Variants in GATAD2A observed in about 807,000 individuals in gnomAD.
GATAD2A encodes transcriptional repressor p66-alpha.
A neutral mutation model predicts 68.5 loss-of-function variants in GATAD2A; 12 were observed. That is an observed-to-expected ratio of 0.18 (90% CI 0.11 to 0.28). GATAD2A has a LOEUF of 0.28. Ranked by LOEUF, GATAD2A falls within the 10% of genes least tolerant of loss-of-function variation. The pLI is 1.00. For synonymous variants in GATAD2A, 410 were observed against 375.3 expected (o/e 1.09, Z -1.07); for missense variants, 755 against 868.5 (o/e 0.87, Z 1.64).
intron 2 of GATAD2A, among the ~76,000 whole-genome samples, chr19:19,477,940 A>AG (rs1230802806): frequency 2.0e-5 from 3 of 152,230 alleles, no homozygotes; most frequent in Non-Finnish European, 4.4e-5. Context: ...TCTGTGACTT[A>AG]GGTAAACATA....
upstream of GATAD2A, among the ~76,000 whole-genome samples, chr19:19,401,517 C>G (rs1273758007): frequency 6.6e-6 from 1 of 151,992 alleles, no homozygotes; most frequent in Admixed American, 6.6e-5. Context: ...CCGGCTGATT[C>G]TTCAGTCTTT....
intron 2 of GATAD2A, among the ~76,000 whole-genome samples, chr19:19,481,523 ACTGTGTTGCCCAGG>A (rs2059059133): frequency 6.6e-6 from 1 of 152,054 alleles, no homozygotes; most frequent in South Asian, 2.1e-4. Context: ...ACAGGGTCTC[ACTGTGTTGCCCAGG>A]CTGGTCTTGA....
At chr19:19,498,793 C>A in intron 8 of GATAD2A, 71 bp downstream of exon 8, 1 of 1,353,470 alleles carries the variant, frequency 7.4e-7, no homozygotes, top group South Asian at 1.3e-5. Flanking sequence ...TGGGTTCTTT[C>A]CAACACACAG....
At chr19:19,450,173 G>A (rs1275837000) in intron 1 of GATAD2A, among the ~76,000 whole-genome samples, 1 of 152,156 alleles carries the variant, frequency 6.6e-6, no homozygotes, top group Non-Finnish European at 1.5e-5. Flanking sequence ...CTGGTCGTTG[G>A]TCAGATTCCG....
intron 1 of GATAD2A, among the ~76,000 whole-genome samples, chr19:19,429,505 C>T (rs940881017): frequency 6.6e-6 from 1 of 151,974 alleles, no homozygotes; most frequent in Admixed American, 6.5e-5. Flanking sequence ...TGGTGAGGTG[C>T]TCTGACGCTG....
At chr19:19,486,271 G>T (rs2059421568) in intron 2 of GATAD2A, among the ~76,000 whole-genome samples, 2 of 152,276 alleles carry the variant, frequency 1.3e-5, no homozygotes, top group African/African-American at 4.8e-5. Context: ...CCATCTGGGA[G>T]CTGCAAGGCG....
chr19:19,396,133 C>T (rs1443904327), intron 1 of GATAD2A, among the ~76,000 whole-genome samples: 1 of 152,038 alleles, frequency 6.6e-6, no homozygotes, highest in Non-Finnish European at 1.5e-5. Flanking sequence ...CCAGCCTGGC[C>T]AACATAGTGA....
intron 1 of GATAD2A, among the ~76,000 whole-genome samples, chr19:19,408,114 C>T (rs982896249): frequency 1.1e-4 from 16 of 152,202 alleles, no homozygotes; most frequent in African/African-American, 3.9e-4. Flanking sequence ...ATTCTCCTGC[C>T]TCAGCCTCCC....
chr19:19,462,887 G>A (rs1397581865), intron 1 of GATAD2A, among the ~76,000 whole-genome samples: 1 of 152,184 alleles, frequency 6.6e-6, no homozygotes, highest in Non-Finnish European at 1.5e-5. Context: ...TCATGGAACT[G>A]AGCCCAGAGC....
rs141271081 is a variant in GATAD2A at position 19,433,403 on chromosome 19, T to C, written c.-7+27384T>C. On this transcript the variant is annotated intron_variant, in intron 1 of 11. Transcript: ENST00000683918. ...CAAATTTGTGCCTGTTTTTCCATGT[T>C]GTTTTCGTTATTCTAGGTCCGTTGC... Among the ~76,000 whole-genome samples, 12 of 152,314 alleles carry C rather than the reference T, an allele frequency of 7.9e-5. No homozygotes were observed. In the East Asian group the frequency reaches 2.3e-3, roughly 29 times the overall value.
At chr19:19,420,491 C>T (rs375063099) in intron 1 of GATAD2A, among the ~76,000 whole-genome samples, 1 of 145,076 alleles carries the variant, frequency 6.9e-6, no homozygotes, top group East Asian at 2.1e-4. Context: ...GCCACCACGC[C>T]TGGCCAATTT....
At chr19:19,437,716 G>A (rs967037055) in intron 1 of GATAD2A, among the ~76,000 whole-genome samples, 1 of 152,118 alleles carries the variant, frequency 6.6e-6, no homozygotes, top group Non-Finnish European at 1.5e-5. Flanking sequence ...CCTTCTGTTA[G>A]CGTGGTTCAT....
In GATAD2A at chr19:19,488,101, C is replaced by T. The variant is rs758554028; in HGVS notation, c.270-4205C>T. On this transcript the variant is annotated intron_variant, in intron 2 of 11. Transcript: ENST00000683918. The stretch of plus-strand genomic sequence containing the variant: ...TTGGGGGATCTTGCTGAAATACAGA[C>T]TTTGATCAAGCAGGTCTGGGGCAAG... 1.4e-4 allele frequency among the ~76,000 whole-genome samples: 22 copies of T among 152,310 alleles called. No individual in the cohort carries two copies. In the Middle Eastern group the frequency reaches 0.01, roughly 71 times the overall value.
chr19:19,388,410 G>A (rs1420841872), intron 1 of GATAD2A, among the ~76,000 whole-genome samples: 2 of 152,152 alleles, frequency 1.3e-5, no homozygotes, highest in East Asian at 1.9e-4. Context: ...TGTGGAGGAA[G>A]AGAGCAGAAA....
intron 1 of GATAD2A, among the ~76,000 whole-genome samples, chr19:19,460,926 C>T (rs929775081): frequency 4.6e-5 from 7 of 152,326 alleles, no homozygotes; most frequent in South Asian, 4.1e-4. Context: ...CGGTGCCGCC[C>T]GTTCCACCCA....
chr19:19,387,288 C>G (rs1478973656), intron 1 of GATAD2A, among the ~76,000 whole-genome samples: 1 of 151,436 alleles, frequency 6.6e-6, no homozygotes, highest in Non-Finnish European at 1.5e-5. Context: ...CCCCACCTCT[C>G]TCAGCTGTGG....
At chr19:19,434,903 T>G (rs1875541054) in intron 1 of GATAD2A, among the ~76,000 whole-genome samples, 1 of 152,138 alleles carries the variant, frequency 6.6e-6, no homozygotes, top group Non-Finnish European at 1.5e-5. Context: ...GAGGGTGAAG[T>G]CCGCTCATTC....
chr19:19,390,561 A>G (rs1245915439), intron 1 of GATAD2A, among the ~76,000 whole-genome samples: 3 of 152,144 alleles, frequency 2.0e-5, no homozygotes, highest in Non-Finnish European at 4.4e-5. Flanking sequence ...ATGGCAGGGC[A>G]TTTGTGTTTC....
intron 7 of GATAD2A, 106 bp downstream of exon 7, chr19:19,496,325 G>A (rs1209869227): frequency 1.8e-5 from 19 of 1,040,594 alleles, no homozygotes; most frequent in Admixed American, 5.5e-5. Flanking sequence ...GGGCTGTGTG[G>A]CATGACCTGC....
Sources: allele counts gnomAD v4.1 joint callset (sites outside exome capture counted in the v4.1 genomes callset), GRCh38; gene constraint gnomAD v4.1.1; transcripts MANE v1.5; gene names NCBI Gene and HGNC (gene_info 2026-07-23, HGNC 2026-07-21).